CHLSN: variants seen among roughly 807,000 people sequenced by gnomAD.
CHLSN encodes the protein protein cholesin.
At chr7:1,014,819 C>T in the CHLSN span, among the ~76,000 whole-genome samples, 10 of 138,456 alleles carry the variant, frequency 7.2e-5, no homozygotes, top group Non-Finnish European at 1.5e-4. Flanking sequence ...GCCACGGCAG[C>T]GTTCCGGTTG....
the CHLSN span, among the ~76,000 whole-genome samples, chr7:1,011,023 G>A: frequency 3.3e-5 from 5 of 151,648 alleles, no homozygotes; most frequent in African/African-American, 4.8e-5. Flanking sequence ...GAGCAAAGAA[G>A]AGTGAGGCAA....
chr7:1,137,563 G>C, the CHLSN span: 4 of 152,282 alleles, frequency 2.6e-5, no homozygotes, highest in African/African-American at 7.2e-5. Flanking sequence ...ACTTTGGGAG[G>C]CCGAGGCAGG....
the CHLSN span, among the ~76,000 whole-genome samples, chr7:1,038,795 C>T: frequency 1.8e-5 from 1 of 54,980 alleles, no homozygotes; most frequent in Admixed American, 1.4e-4. Flanking sequence ...AGTGAGGAGC[C>T]CCTCTGCCCG....
chr7:1,110,511 G>A, the CHLSN span, among the ~76,000 whole-genome samples: 2 of 152,194 alleles, frequency 1.3e-5, no homozygotes, highest in Non-Finnish European at 2.9e-5. Flanking sequence ...CTCTTCCCGC[G>A]CCTCCCGCCA....
chr7:1,032,286 G>A, the CHLSN span, among the ~76,000 whole-genome samples: 19 of 152,206 alleles, frequency 1.2e-4, no homozygotes, highest in South Asian at 2.1e-4. Context: ...GAAGCCCCCC[G>A]CAGGTGGATC....
At chr7:1,116,777 C>T in the CHLSN span, among the ~76,000 whole-genome samples, 1 of 62,164 alleles carries the variant, frequency 1.6e-5, no homozygotes, top group East Asian at 3.3e-4. Flanking sequence ...CCATCACCAA[C>T]GCCCATGCAG....
At chr7:985,403 G>A in the CHLSN span, 1 of 1,450,142 alleles carries the variant, frequency 6.9e-7, no homozygotes, top group Non-Finnish European at 9.3e-7. Context: ...GGGCCCCAGT[G>A]CTGTCCCCTC....
At chr7:1,092,013 C>A in the CHLSN span, 1 of 1,614,154 alleles carries the variant, frequency 6.2e-7, no homozygotes, top group Non-Finnish European at 8.5e-7. Context: ...CCATCCCCGA[C>A]CTGTACTTCA....
chr7:1,089,707 CTTTT>C, the CHLSN span, among the ~76,000 whole-genome samples: 1 of 124,176 alleles, frequency 8.1e-6, no homozygotes, highest in Non-Finnish European at 1.7e-5. Context: ...ATAGGCCAGC[CTTTT>C]TTTTTTTTTT....
chr7:1,122,434 T>G, the CHLSN span, among the ~76,000 whole-genome samples: 1 of 152,188 alleles, frequency 6.6e-6, no homozygotes, highest in South Asian at 2.1e-4. Context: ...TGGCTCTGCA[T>G]GGGGTGGTCA....
At chr7:1,062,589 G>A in the CHLSN span, among the ~76,000 whole-genome samples, 1 of 152,170 alleles carries the variant, frequency 6.6e-6, no homozygotes, top group Non-Finnish European at 1.5e-5. Flanking sequence ...CCCCACACAG[G>A]CGTTACTCCT....
the CHLSN span, among the ~76,000 whole-genome samples, chr7:999,403 G>A: frequency 6.8e-6 from 1 of 147,824 alleles, no homozygotes; most frequent in Non-Finnish European, 1.5e-5. Context: ...CCAGTGTCGC[G>A]ATTACCGGAG....
the CHLSN span, among the ~76,000 whole-genome samples, chr7:1,036,331 G>A: frequency 3.3e-5 from 5 of 151,740 alleles, no homozygotes; most frequent in Non-Finnish European, 4.4e-5. Flanking sequence ...TCGGGTGCTC[G>A]TGCTGTGGCC....
At chr7:1,106,693 C>G in the CHLSN span, among the ~76,000 whole-genome samples, 4 of 152,232 alleles carry the variant, frequency 2.6e-5, no homozygotes, top group Non-Finnish European at 4.4e-5. Context: ...ACAGGGCTTA[C>G]TGGCTGTGGG....
At chr7:1,019,736 G>A in the CHLSN span, among the ~76,000 whole-genome samples, 1 of 152,232 alleles carries the variant, frequency 6.6e-6, no homozygotes, top group African/African-American at 2.4e-5. Flanking sequence ...GAGGCGGTGG[G>A]AAGCAAGCAG....
At chr7:1,090,506 A>G in the CHLSN span, among the ~76,000 whole-genome samples, 1 of 151,996 alleles carries the variant, frequency 6.6e-6, no homozygotes, top group Non-Finnish European at 1.5e-5. Context: ...CACTGGCGGC[A>G]GAGCCGGGGT....
the CHLSN span, among the ~76,000 whole-genome samples, chr7:1,051,132 C>A: frequency 1.3e-5 from 2 of 152,234 alleles, no homozygotes; most frequent in Admixed American, 6.5e-5. Flanking sequence ...AGCTCCCAGG[C>A]CCTACAAGCA....
At chr7:997,908 C>T in the CHLSN span, 1 of 1,111,790 alleles carries the variant, frequency 9.0e-7, no homozygotes, top group Non-Finnish European at 1.3e-6. Context: ...CCTCAGGCTT[C>T]CGTCCTCCCA....
chr7:1,070,519 G>A, the CHLSN span, among the ~76,000 whole-genome samples: 1 of 140,014 alleles, frequency 7.1e-6, no homozygotes, highest in Non-Finnish European at 1.5e-5. Flanking sequence ...ATGCACACAT[G>A]CATACACATA....
Sources: gnomAD v4.1 joint callset for allele counts (sites outside exome capture counted in the v4.1 genomes callset) on GRCh38, gnomAD v4.1.1 for gene constraint, MANE v1.5 for transcripts, NCBI Gene and HGNC (gene_info 2026-07-23, HGNC 2026-07-21) for gene names.